The following OPA3 variants were observed in gnomAD, a reference collection of about 807,000 sequenced individuals.
The protein encoded by OPA3 is optic atrophy 3 protein.
A neutral mutation model predicts 4.0 loss-of-function variants in OPA3; 6 were observed. That is an observed-to-expected ratio of 1.51 (90% CI 0.83 to 2.99). The LOEUF (loss-of-function observed/expected upper bound fraction) is 2.99, where lower values mean the gene tolerates loss of function less well. Ranked by LOEUF, OPA3 falls within the 30% of genes most tolerant of loss-of-function variation. The pLI, the probability that OPA3 is intolerant of heterozygous loss-of-function variation, is 0.00. For synonymous variants in OPA3, 105 were observed against 117.1 expected, an observed-to-expected ratio of 0.90 and a Z score of 0.67; for missense variants, 235 against 256.2, an observed-to-expected ratio of 0.92 and a Z score of 0.56.
chr19:45,551,076 T>A lies in OPA3; in HGVS notation c.*2438A>T, dbSNP rs1969325600. 1 of 406,020 alleles carries A rather than the reference T, an allele frequency of 2.5e-6. No homozygotes were observed. The highest frequency in any genetic ancestry group is 3.3e-6 in the Non-Finnish European group (1 of 300,330). 25.2% of individuals were successfully genotyped at this position (406,020 alleles called of 1,614,324 possible). On this transcript the variant is annotated 3_prime_UTR_variant, in exon 2 of 2. Transcript: ENST00000263275. Reference sequence around the variant, plus strand: ...CCAGGGCTCAGGTGATCCTCCTGCCTCAGCCTCCCAAGTAGCTGGGACTAC... The same window carrying A: ...CCAGGGCTCAGGTGATCCTCCTGCCACAGCCTCCCAAGTAGCTGGGACTAC...
At chr19:45,577,240 A>G (rs906256513) in intron 1 of OPA3, among the ~76,000 whole-genome samples, 5 of 152,228 alleles carry the variant, frequency 3.3e-5, no homozygotes, top group African/African-American at 1.2e-4. Flanking sequence ...AGCCACAGCT[A>G]CTGCTCCAGC....
chr19:45,572,754 TCTC>T lies in OPA3; in HGVS notation c.142+11866_142+11868del, dbSNP rs1369431447. On this transcript the variant is annotated intron_variant, in intron 1 of 1. Coordinates refer to ENST00000263275, the MANE Select transcript of OPA3 (RefSeq NM_025136.4). ...ATCATACTATATATATAGATATATATCTCGATATATATCTATATATATCATACT... is the reference window on the plus strand; with the variant it reads ...ATCATACTATATATATAGATATATATGATATATATCTATATATATCATACT... Among the ~76,000 whole-genome samples the T allele has an allele frequency of 2.3e-5, 3 of 132,944 alleles. 1 individual carries two copies. Among genetic ancestry groups the T allele is most frequent in the East Asian group, 2.0e-4 (1 of 4,916 alleles). 87.2% of individuals were successfully genotyped at this position (132,944 alleles called of 152,430 possible).
Position 45,529,312 on chromosome 19 carries a change from C to CAGCT in OPA3, c.283_286dup (p.Cys96Ter). The CAGCT allele has an allele frequency of 6.2e-7, 1 of 1,614,200 alleles. No individual in the cohort carries two copies. The highest frequency in any genetic ancestry group is 8.5e-7 in the Non-Finnish European group (1 of 1,180,038). ...GTGGCGCCAATACTCCAGCATCAGGCAGCTGCAGGCGGTGATGAAGATGAT... is the reference window on the plus strand; with the variant it reads ...GTGGCGCCAATACTCCAGCATCAGGCAGCTAGCTGCAGGCGGTGATGAAGATGAT... On this transcript the variant is annotated stop_gained and frameshift_variant, in exon 2 of 2. Transcript: ENST00000323060. LOFTEE classifies it low-confidence loss of function (END_TRUNC).
intron 1 of OPA3, among the ~76,000 whole-genome samples, chr19:45,579,034 C>T (rs928996556): frequency 3.3e-5 from 5 of 151,908 alleles, no homozygotes; most frequent in African/African-American, 9.7e-5. Context: ...TGTGTGCATG[C>T]GGGATCCTCT....
At position 45,556,315 on chromosome 19, in the gene OPA3, A is replaced by AT. The variant is rs201425100; in HGVS notation, c.143-2405dup. ...CATGCCACCATGCCTGGCTAATTTT[A>AT]TTTTTTTTGGGTAGAGATGGGGTCT... On this transcript the variant is annotated intron_variant, in intron 1 of 1. Transcript: ENST00000263275. 7.6e-3 allele frequency among the ~76,000 whole-genome samples: 1,153 copies of AT among 151,108 alleles called. 14 individuals carry two copies. The highest frequency in any genetic ancestry group is 0.026 in the African/African-American group (1,069 of 41,104).
chr19:45,583,329 T>C (rs1424789872), intron 1 of OPA3, among the ~76,000 whole-genome samples: 1 of 151,968 alleles, frequency 6.6e-6, no homozygotes, highest in Non-Finnish European at 1.5e-5. Context: ...TTTTTTTGTA[T>C]TTTTAGTAGA....
rs978328141 is a variant in OPA3 at position 45,552,052 on chromosome 19, G to A, written c.*1462C>T. 56 of 985,458 alleles carry A rather than the reference G, an allele frequency of 5.7e-5. No homozygotes were observed. Among genetic ancestry groups the A allele is most frequent in the African/African-American group, 1.4e-4 (8 of 57,326 alleles). The allele number at this position is 985,458 out of a possible 1,614,324, so 61.0% of individuals were successfully genotyped here. On this transcript the variant is annotated 3_prime_UTR_variant, in exon 2 of 2. Transcript: ENST00000263275. ...TAGTTAGGATCAAATTTCCCACCAC[G>A]GAAAGGGGGGTTGGAGGACATTCAC...
At chr19:45,559,894 C>T (rs1298797602) in intron 1 of OPA3, among the ~76,000 whole-genome samples, 1 of 152,066 alleles carries the variant, frequency 6.6e-6, no homozygotes, top group Non-Finnish European at 1.5e-5. Context: ...TCGCACAGAC[C>T]TGGACTCAAA....
In OPA3 at chr19:45,548,751, GAAT is replaced by G; in HGVS notation, c.*4760_*4762del. On this transcript the variant is annotated 3_prime_UTR_variant, in exon 2 of 2. Coordinates refer to ENST00000263275, the MANE Select transcript of OPA3 (RefSeq NM_025136.4). ...ACCTCAGTGAGTTTTTTGAGTGAAA[GAAT>G]AAATAAAGGATATTTTTCCTAAGGT... is the stretch of plus-strand genomic sequence containing the variant. 1.0e-6 allele frequency: 1 copy of G among 978,844 alleles called. No homozygotes were observed. 60.6% of individuals were successfully genotyped at this position (978,844 alleles called of 1,614,324 possible). A position where few individuals can be genotyped will look rare whatever the true frequency, so the allele number is the denominator to read the frequency against.
intron 1 of OPA3, among the ~76,000 whole-genome samples, chr19:45,580,332 T>C (rs1265475800): frequency 1.4e-5 from 2 of 137,938 alleles, no homozygotes; most frequent in Admixed American, 7.3e-5. Flanking sequence ...TCACTCTTGT[T>C]GCCCAGGCTG....
downstream of OPA3, chr19:45,546,144 A>G (rs1274123654): frequency 6.6e-6 from 1 of 152,270 alleles, no homozygotes; most frequent in East Asian, 1.9e-4. Flanking sequence ...ATATCATCCA[A>G]TGTGTTATGG....
At chr19:45,561,273 C>T (rs186316478) in intron 1 of OPA3, among the ~76,000 whole-genome samples, 6 of 152,154 alleles carry the variant, frequency 3.9e-5, no homozygotes, top group Admixed American at 6.5e-5. Context: ...GTGGAGGTTA[C>T]GGTGAGCCGA....
intron 1 of OPA3, among the ~76,000 whole-genome samples, chr19:45,535,031 T>C (rs1313520745): frequency 6.6e-6 from 1 of 152,200 alleles, no homozygotes; most frequent in Non-Finnish European, 1.5e-5. Context: ...AATAAAGTTT[T>C]TCTTTCCACG....
intron 1 of OPA3, among the ~76,000 whole-genome samples, chr19:45,569,607 C>G (rs1372062670): frequency 6.6e-6 from 1 of 152,108 alleles, no homozygotes; most frequent in South Asian, 2.1e-4. Context: ...CTCCCATACA[C>G]CAAGGGGTGG....
At chr19:45,533,525 C>T (rs1969082893) in intron 1 of OPA3, among the ~76,000 whole-genome samples, 2 of 152,304 alleles carry the variant, frequency 1.3e-5, no homozygotes, top group Admixed American at 6.5e-5. Context: ...AATCAGGAGA[C>T]ACCTTGTGCT....
chr19:45,558,719 GC>G (rs1197565487), intron 1 of OPA3, among the ~76,000 whole-genome samples: 1 of 150,820 alleles, frequency 6.6e-6, no homozygotes, highest in African/African-American at 2.4e-5. Flanking sequence ...TCTATGTTCT[GC>G]TGTTTTTTTT....
At chr19:45,565,004 A>G (rs1173088430) in intron 1 of OPA3, among the ~76,000 whole-genome samples, 1 of 151,934 alleles carries the variant, frequency 6.6e-6, no homozygotes, top group Non-Finnish European at 1.5e-5. Flanking sequence ...AGGTGGGCGG[A>G]TCACGAGGTC....
downstream of OPA3, among the ~76,000 whole-genome samples, chr19:45,542,015 C>T (rs1004679009): frequency 4.3e-4 from 65 of 152,168 alleles, no homozygotes; most frequent in African/African-American, 1.4e-3. Flanking sequence ...GCTTCATGCT[C>T]GCTGCAACCC....
chr19:45,582,151 TTTTTA>T (rs1422875762), intron 1 of OPA3, among the ~76,000 whole-genome samples: 9 of 151,652 alleles, frequency 5.9e-5, no homozygotes, highest in East Asian at 1.9e-4. Flanking sequence ...GGAGATTTTA[TTTTTA>T]TTTTATTTTA....
Sources: allele counts gnomAD v4.1 joint callset (sites outside exome capture counted in the v4.1 genomes callset), GRCh38; gene constraint gnomAD v4.1.1; transcripts MANE v1.5; gene names NCBI Gene and HGNC (gene_info 2026-07-23, HGNC 2026-07-21).